CFAP210: variants seen among roughly 807,000 people sequenced by gnomAD.
CFAP210 encodes cilia- and flagella- associated protein 210.
At chr2:169,651,464 G>A in the CFAP210 span, among the ~76,000 whole-genome samples, 1 of 151,766 alleles carries the variant, frequency 6.6e-6, no homozygotes, top group African/African-American at 2.4e-5. Context: ...GCACAATCTT[G>A]GCTCACTGCA....
chr2:169,662,626 G>A, the CFAP210 span, among the ~76,000 whole-genome samples: 1 of 152,180 alleles, frequency 6.6e-6, no homozygotes, highest in Non-Finnish European at 1.5e-5. Flanking sequence ...ACCTAGAATT[G>A]GCAATACTTT....
chr2:169,678,341 CAAAAAAAAAA>C, the CFAP210 span, among the ~76,000 whole-genome samples: 6 of 88,232 alleles, frequency 6.8e-5, no homozygotes, highest in East Asian at 5.0e-4. Flanking sequence ...AACTCTGTTG[CAAAAAAAAAA>C]AAAAAAAAAA....
At chr2:169,666,688 CAGA>C in the CFAP210 span, among the ~76,000 whole-genome samples, 1 of 152,042 alleles carries the variant, frequency 6.6e-6, no homozygotes, top group Non-Finnish European at 1.5e-5. Context: ...TGACTCTTCA[CAGA>C]AGATTTCTCT....
chr2:169,661,135 A>C, the CFAP210 span: 1 of 566,402 alleles, frequency 1.8e-6, no homozygotes, highest in Non-Finnish European at 3.5e-6. Context: ...CCGCTGAGAC[A>C]ATTCATAAAA....
the CFAP210 span, among the ~76,000 whole-genome samples, chr2:169,673,113 G>A: frequency 6.6e-6 from 1 of 152,198 alleles, no homozygotes; most frequent in African/African-American, 2.4e-5. Context: ...AGAGCTTGAT[G>A]AACATTTCCG....
chr2:169,691,389 C>T, the CFAP210 span, among the ~76,000 whole-genome samples: 2 of 152,150 alleles, frequency 1.3e-5, no homozygotes, highest in African/African-American at 4.8e-5. Flanking sequence ...TATAAATTTA[C>T]AAAAGTTTGT....
At chr2:169,688,936 G>GA in the CFAP210 span, among the ~76,000 whole-genome samples, 1 of 152,178 alleles carries the variant, frequency 6.6e-6, no homozygotes, top group African/African-American at 2.4e-5. Context: ...TGCTGATAAA[G>GA]ACATACCTAA....
the CFAP210 span, among the ~76,000 whole-genome samples, chr2:169,678,208 C>T: frequency 2.6e-5 from 4 of 151,416 alleles, no homozygotes; most frequent in South Asian, 2.1e-4. Flanking sequence ...GGCATGGTGG[C>T]GCATGCCTGT....
the CFAP210 span, among the ~76,000 whole-genome samples, chr2:169,678,757 G>A: frequency 1.3e-5 from 2 of 151,668 alleles, no homozygotes; most frequent in Admixed American, 1.3e-4. Flanking sequence ...CCCGGGAGGT[G>A]GAGGTTGCAG....
the CFAP210 span, among the ~76,000 whole-genome samples, chr2:169,646,842 G>A: frequency 6.6e-6 from 1 of 151,894 alleles, no homozygotes; most frequent in African/African-American, 2.4e-5. Context: ...TGGCTTTTCT[G>A]TGATGCTCTG....
chr2:169,654,166 G>A, the CFAP210 span: 3 of 1,596,250 alleles, frequency 1.9e-6, no homozygotes, highest in Non-Finnish European at 2.6e-6. Flanking sequence ...TCTTCCTCTT[G>A]CTGCTGCTGT....
chr2:169,680,542 CA>C, the CFAP210 span, among the ~76,000 whole-genome samples: 1 of 152,138 alleles, frequency 6.6e-6, no homozygotes, highest in East Asian at 1.9e-4. Context: ...AAAAAGTGAC[CA>C]AATAAACAAA....
At chr2:169,647,816 C>T in the CFAP210 span, among the ~76,000 whole-genome samples, 670 of 152,200 alleles carry the variant, frequency 4.4e-3, 12 homozygotes, top group African/African-American at 0.015. Flanking sequence ...AGATTTAATA[C>T]ACAGAGTATT....
chr2:169,649,218 T>A, the CFAP210 span: 1 of 1,613,176 alleles, frequency 6.2e-7, no homozygotes, highest in Non-Finnish European at 8.5e-7. Flanking sequence ...CCTCTTGATG[T>A]TCTTTATCAG....
At chr2:169,681,711 G>T in the CFAP210 span, among the ~76,000 whole-genome samples, 1 of 152,162 alleles carries the variant, frequency 6.6e-6, no homozygotes, top group African/African-American at 2.4e-5. Flanking sequence ...TAGTCCCAGG[G>T]TGGGCCTAAT....
At chr2:169,648,162 CAAAAAAAAAAAAA>C in the CFAP210 span, 50 of 101,718 alleles carry the variant, frequency 4.9e-4, no homozygotes, top group East Asian at 8.8e-3. Flanking sequence ...AACTCTGTCT[CAAAAAAAAAAAAA>C]AAAAAAAAAA....
the CFAP210 span, chr2:169,649,390 C>T: frequency 6.5e-7 from 1 of 1,543,800 alleles, no homozygotes; most frequent in Non-Finnish European, 8.8e-7. Context: ...CCAGTTATAG[C>T]AACCAGTCTT....
chr2:169,645,980 G>C, the CFAP210 span: 4 of 1,613,878 alleles, frequency 2.5e-6, no homozygotes, highest in Non-Finnish European at 3.4e-6. Context: ...CACAAACACT[G>C]GTCCACGGCC....
the CFAP210 span, among the ~76,000 whole-genome samples, chr2:169,655,296 C>T: frequency 6.6e-6 from 1 of 152,260 alleles, no homozygotes; most frequent in African/African-American, 2.4e-5. Flanking sequence ...CCGTGCCTGG[C>T]ATATTCTGTT....
Sources: gnomAD v4.1 joint callset for allele counts (sites outside exome capture counted in the v4.1 genomes callset) on GRCh38, gnomAD v4.1.1 for gene constraint, MANE v1.5 for transcripts, NCBI Gene and HGNC (gene_info 2026-07-23, HGNC 2026-07-21) for gene names.